CEP112: variants seen among roughly 807,000 people sequenced by gnomAD.
The protein encoded by CEP112 is centrosomal protein of 112 kDa.
Under a neutral mutation model 153.0 loss-of-function variants are expected in CEP112, and 127 were observed. That is an observed-to-expected ratio of 0.83 (90% CI 0.72 to 0.96). The LOEUF (loss-of-function observed/expected upper bound fraction) is 0.96. Among genes scored for constraint, CEP112 ranks in the 40% least tolerant of loss-of-function variants. The pLI is 0.00. For synonymous variants in CEP112, 358 were observed against 374.4 expected, an observed-to-expected ratio of 0.96 and a Z score of 0.51; for missense variants, 1,089 against 1,101.2, an observed-to-expected ratio of 0.99 and a Z score of 0.16.
chr17:65,741,039 G>A (rs1054241942), intron 23 of CEP112, among the ~76,000 whole-genome samples: 1 of 152,182 alleles, frequency 6.6e-6, no homozygotes, highest in African/African-American at 2.4e-5. Context: ...GACAGATTGT[G>A]GCTTGAAACT....
At chr17:65,773,076 T>A (rs2053474635) in intron 21 of CEP112, among the ~76,000 whole-genome samples, 1 of 152,116 alleles carries the variant, frequency 6.6e-6, no homozygotes, top group Admixed American at 6.6e-5. Flanking sequence ...ACCCAGCAGA[T>A]AAAGAACTTG....
At chr17:66,012,366 C>T (rs1444952329) in intron 16 of CEP112, among the ~76,000 whole-genome samples, 2 of 152,242 alleles carry the variant, frequency 1.3e-5, no homozygotes, top group African/African-American at 2.4e-5. Flanking sequence ...TGGCTGTTAA[C>T]GGTCTATCCT....
intron 24 of CEP112, among the ~76,000 whole-genome samples, chr17:65,653,647 TG>T (rs757791039): frequency 6.6e-6 from 1 of 152,158 alleles, no homozygotes; most frequent in African/African-American, 2.4e-5. Context: ...GAAGGCTTGC[TG>T]GGAGGGATCA....
chr17:65,742,493 C>T (rs1292107031), intron 23 of CEP112, among the ~76,000 whole-genome samples: 3 of 152,308 alleles, frequency 2.0e-5, no homozygotes, highest in South Asian at 2.1e-4. Flanking sequence ...AACTGCCTAT[C>T]ACTGAAAGAA....
At chr17:66,091,087 G>A (rs1012371171) in intron 8 of CEP112, among the ~76,000 whole-genome samples, 7 of 152,032 alleles carry the variant, frequency 4.6e-5, no homozygotes, top group Admixed American at 2.0e-4. Context: ...AATAATAGTA[G>A]GGGACTTTAA....
chr17:66,041,956 G>A (rs1270443686), intron 12 of CEP112, among the ~76,000 whole-genome samples: 7 of 152,174 alleles, frequency 4.6e-5, no homozygotes. Flanking sequence ...AGTACAGTAT[G>A]GAAAGGTGGG....
chr17:66,184,558 T>A (rs1037784418), intron 1 of CEP112, among the ~76,000 whole-genome samples: 1 of 152,170 alleles, frequency 6.6e-6, no homozygotes, highest in Non-Finnish European at 1.5e-5. Context: ...ATTAAAACTA[T>A]ACTGAGATAC....
intron 17 of CEP112, among the ~76,000 whole-genome samples, chr17:65,983,262 T>G (rs2063292011): frequency 6.6e-6 from 1 of 152,244 alleles, no homozygotes; most frequent in African/African-American, 2.4e-5. Context: ...TAGCTGTAAC[T>G]GTGGAGCAGG....
intron 10 of CEP112, among the ~76,000 whole-genome samples, chr17:66,065,201 T>C (rs867425638): frequency 6.6e-6 from 1 of 152,240 alleles, no homozygotes; most frequent in Non-Finnish European, 1.5e-5. Flanking sequence ...CCTTCTCACC[T>C]TAACATGCAA....
intron 12 of CEP112, among the ~76,000 whole-genome samples, chr17:66,036,144 C>A (rs2065730173): frequency 6.6e-6 from 1 of 152,186 alleles, no homozygotes; most frequent in Non-Finnish European, 1.5e-5. Flanking sequence ...ATTCCAGTTA[C>A]AGGAAATATC....
intron 6 of CEP112, among the ~76,000 whole-genome samples, chr17:66,117,911 T>C (rs1011717007): frequency 6.6e-6 from 1 of 151,808 alleles, no homozygotes; most frequent in African/African-American, 2.4e-5. Flanking sequence ...ATGAAAAAAA[T>C]ACTCAAATCA....
intron 21 of CEP112, among the ~76,000 whole-genome samples, chr17:65,821,531 TATATATA>T (rs2056567047): frequency 1.1e-4 from 3 of 27,712 alleles, no homozygotes; most frequent in East Asian, 1.4e-3. Context: ...TATATATATA[TATATATA>T]TATTTTTTTT....
At position 65,715,157 on chromosome 17, in the gene CEP112, A is replaced by C. The variant is rs1012881025; in HGVS notation, c.2608-25939T>G. Among the ~76,000 whole-genome samples the C allele has an allele frequency of 3.3e-5, 5 of 152,200 alleles. No individual in the cohort carries two copies. In the East Asian group the frequency reaches 9.6e-4, roughly 29 times the overall value. ...AGGGAAAAAGTCAGCTGACACTCTC[A>C]GTCCAATTTAAGTCAGGAGTAATAA... On this transcript the variant is annotated intron_variant, in intron 23 of 26. Transcript: ENST00000535342.
chr17:65,872,981 G>C (rs1450012772), intron 20 of CEP112: 3 of 152,238 alleles, frequency 2.0e-5, no homozygotes, highest in African/African-American at 7.2e-5. Flanking sequence ...AAGGTCACCT[G>C]ATAGTAGATG....
intron 1 of CEP112, among the ~76,000 whole-genome samples, chr17:66,188,874 C>T (rs1466777881): frequency 6.6e-6 from 1 of 151,908 alleles, no homozygotes; most frequent in Non-Finnish European, 1.5e-5. Flanking sequence ...AATCATAAAC[C>T]CAGAGTTTTA....
intron 21 of CEP112, among the ~76,000 whole-genome samples, chr17:65,783,604 T>TA (rs1457631051): frequency 6.6e-6 from 1 of 152,226 alleles, no homozygotes; most frequent in Non-Finnish European, 1.5e-5. Context: ...TAAAATGACT[T>TA]AGAGTGTATC....
chr17:66,083,609 G>A (rs1313827293), intron 8 of CEP112, among the ~76,000 whole-genome samples: 1 of 152,198 alleles, frequency 6.6e-6, no homozygotes, highest in African/African-American at 2.4e-5. Flanking sequence ...AGCACTTTGG[G>A]AGGCCAAGGT....
At position 66,129,777 on chromosome 17, in the gene CEP112, A is replaced by G. The variant is rs1331932490; in HGVS notation, c.611T>C (p.Ile204Thr). 3 of 1,612,722 alleles carry G rather than the reference A, an allele frequency of 1.9e-6. No individual in the cohort carries two copies. The highest frequency in any genetic ancestry group is 2.5e-6 in the Non-Finnish European group (3 of 1,179,398). The change falls in exon 6 of 27, where the codon ATT becomes ACT. Residue 204 changes from isoleucine to threonine, a missense_variant. By Grantham distance (89) the Ile-to-Thr change is moderately conservative. Transcript: ENST00000535342. ...KSPVSLDDSDIEARLNSWNLG... is the reference protein window; with the variant it reads ...KSPVSLDDSDTEARLNSWNLG... ...ATTCCAACTATTAAGGCGAGCTTCA[A>G]TGTCACTATCATCCAAAGAAACAGG...
At chr17:65,690,348 C>G (rs943983796) in intron 23 of CEP112, among the ~76,000 whole-genome samples, 1 of 144,668 alleles carries the variant, frequency 6.9e-6, no homozygotes, top group African/African-American at 2.6e-5. Flanking sequence ...ATCACTTGAG[C>G]CCAGGAGTTT....
Sources: gnomAD v4.1 joint callset for allele counts (sites outside exome capture counted in the v4.1 genomes callset) on GRCh38, gnomAD v4.1.1 for gene constraint, MANE v1.5 for transcripts, NCBI Gene and HGNC (gene_info 2026-07-23, HGNC 2026-07-21) for gene names.